SHPRH: variants seen among roughly 807,000 people sequenced by gnomAD.
SHPRH encodes the protein E3 ubiquitin-protein ligase SHPRH.
A neutral mutation model predicts 202.5 loss-of-function variants in SHPRH; 106 were observed. The ratio of observed to expected loss-of-function variants is 0.52; its 90% CI spans 0.45 to 0.62. SHPRH has a LOEUF of 0.62. Ranked by LOEUF, SHPRH falls within the 20% of genes least tolerant of loss-of-function variation. The probability of loss-of-function intolerance (pLI) is 0.00; values close to 1 mark genes in which losing one functional copy is unlikely to be tolerated. For missense variants in SHPRH, 1,710 were observed against 2,020.0 expected (o/e 0.85, Z 2.94); for synonymous variants, 729 against 686.0 (o/e 1.06, Z -0.98).
At chr6:145,880,834 G>C (rs1230895511), downstream of SHPRH, among the ~76,000 whole-genome samples, 1 of 151,980 alleles carries the variant, frequency 6.6e-6, no homozygotes, top group Non-Finnish European at 1.5e-5. Flanking sequence ...TGAAGAAATT[G>C]TATAATTTCT....
At position 145,943,818 on chromosome 6, in the gene SHPRH, T is replaced by A. The variant is rs1787066688; in HGVS notation, c.1579-16A>T. On this transcript the variant is annotated splice_polypyrimidine_tract_variant and intron_variant, in intron 8 of 29. Transcript: ENST00000275233. ...TCCCTACTGCCTATGAAAAAAATATTTAATTAATTGATTGCAACTAGTTGC... is the reference window on the plus strand; with the variant it reads ...TCCCTACTGCCTATGAAAAAAATATATAATTAATTGATTGCAACTAGTTGC... The A allele has an allele frequency of 6.5e-7, 1 of 1,540,628 alleles. No homozygotes were observed. The highest frequency in any genetic ancestry group is 1.4e-5 in the African/African-American group (1 of 71,864).
chr6:145,917,909 C>G (rs1385316320), intron 23 of SHPRH: 9 of 360,882 alleles, frequency 2.5e-5, no homozygotes, highest in African/African-American at 4.2e-5. Context: ...TTGTTCTCTA[C>G]TATCGAGTGC....
chr6:145,950,043 T>C (rs1047858943), intron 4 of SHPRH, among the ~76,000 whole-genome samples: 4 of 152,120 alleles, frequency 2.6e-5, no homozygotes, highest in Admixed American at 6.6e-5. Context: ...GATTTCCTTT[T>C]GGCAAGAAAA....
chr6:145,903,788 C>G (rs1199671977), intron 25 of SHPRH: 3 of 151,964 alleles, frequency 2.0e-5, no homozygotes, highest in Admixed American at 1.3e-4. Context: ...TGTATAAAAC[C>G]TAGCCAAATG....
chr6:145,901,451 A>G (rs1256514828), intron 25 of SHPRH, among the ~76,000 whole-genome samples: 3 of 152,160 alleles, frequency 2.0e-5, no homozygotes, highest in African/African-American at 7.2e-5. Context: ...AAAACAGGAA[A>G]AAGGGAATGG....
chr6:145,938,752 C>G (rs543053557), intron 11 of SHPRH, among the ~76,000 whole-genome samples: 11 of 152,208 alleles, frequency 7.2e-5, no homozygotes, highest in Admixed American at 2.0e-4. Context: ...TATGGACATA[C>G]AACTAATAAG....
intron 4 of SHPRH, 145 bp from the exon 5 acceptor site, chr6:145,948,495 A>G (rs758242247): frequency 5.6e-6 from 3 of 537,026 alleles, no homozygotes; most frequent in Non-Finnish European, 9.5e-6. Context: ...GAAAAGCCAC[A>G]TACTTAACAC....
intron 25 of SHPRH, among the ~76,000 whole-genome samples, chr6:145,902,002 C>T (rs149922489): frequency 6.6e-6 from 1 of 152,154 alleles, no homozygotes; most frequent in East Asian, 1.9e-4. Flanking sequence ...CTAGAGAACT[C>T]GGATGGGAGA....
At chr6:145,919,743 A>G (rs891206804) in intron 21 of SHPRH, among the ~76,000 whole-genome samples, 11 of 152,298 alleles carry the variant, frequency 7.2e-5, no homozygotes, top group Non-Finnish European at 1.5e-4. Flanking sequence ...AAATCTTTAT[A>G]AAGTCCAGTT....
intron 2 of SHPRH, among the ~76,000 whole-genome samples, chr6:145,867,678 AG>A (rs1413186804): frequency 8.3e-6 from 1 of 121,098 alleles, no homozygotes; most frequent in Admixed American, 8.8e-5. Context: ...AGAGAGGTGA[AG>A]GAAGATTTGA....
intron 25 of SHPRH, among the ~76,000 whole-genome samples, chr6:145,895,516 G>A (rs1781935518): frequency 6.7e-6 from 1 of 149,704 alleles, no homozygotes; most frequent in South Asian, 2.1e-4. Flanking sequence ...TTCATACAAA[G>A]CTAGACACTT....
intron 2 of SHPRH, among the ~76,000 whole-genome samples, chr6:145,865,405 C>A (rs1049342259): frequency 6.6e-6 from 1 of 152,186 alleles, no homozygotes; most frequent in Non-Finnish European, 1.5e-5. Context: ...AGAACCCAAC[C>A]ATGTGACATC....
In SHPRH at chr6:145,941,892, C is replaced by T; in HGVS notation, c.2239-18G>A. 6 of 1,609,486 alleles carry T rather than the reference C, an allele frequency of 3.7e-6. No individual in the cohort carries two copies. Among genetic ancestry groups the T allele is most frequent in the Non-Finnish European group, 5.1e-6 (6 of 1,177,428 alleles). On this transcript the variant is annotated intron_variant, in intron 9 of 29. Transcript: ENST00000275233. The stretch of plus-strand genomic sequence containing the variant: ...TGATATACCTAGGAAATAATCAATA[C>T]AGGCAGTTATTGCAAAAAGGCTCAC...
At chr6:145,870,397 G>T (rs1190325930) in intron 2 of SHPRH, among the ~76,000 whole-genome samples, 1 of 151,696 alleles carries the variant, frequency 6.6e-6, no homozygotes, top group Non-Finnish European at 1.5e-5. Context: ...GAGTAGCTGG[G>T]ACTACAGGCA....
intron 15 of SHPRH, 92 bp downstream of exon 15, chr6:145,927,097 T>C (rs551488611): frequency 2.6e-6 from 3 of 1,158,712 alleles, no homozygotes; most frequent in Admixed American, 2.0e-5. Context: ...ATTATGACTG[T>C]TTGTTACCAT....
intron 28 of SHPRH, 100 bp from the exon 29 acceptor site, chr6:145,888,200 G>T: frequency 1.3e-6 from 1 of 795,286 alleles, no homozygotes; most frequent in Non-Finnish European, 2.0e-6. Context: ...GTCAGTTGGT[G>T]CCCACTTGTG....
intron 10 of SHPRH, 90 bp downstream of exon 10, chr6:145,941,533 C>A (rs1285780382): frequency 3.2e-6 from 5 of 1,540,740 alleles, no homozygotes; most frequent in Non-Finnish European, 4.4e-6. Flanking sequence ...TACAGGTTAA[C>A]TATGCTTAAA....
downstream of SHPRH, among the ~76,000 whole-genome samples, chr6:145,880,371 G>A (rs1261995584): frequency 6.6e-6 from 1 of 152,132 alleles, no homozygotes; most frequent in Non-Finnish European, 1.5e-5. Context: ...GCTCATGCCT[G>A]TAATCTTAGC....
chr6:145,904,809 ATAAACT>A (rs1442573028), intron 25 of SHPRH: 8 of 152,140 alleles, frequency 5.3e-5, no homozygotes, highest in African/African-American at 1.7e-4. Context: ...AGTAAATTCT[ATAAACT>A]TAATTTTTTT....
Sources: gnomAD v4.1 joint callset for allele counts (sites outside exome capture counted in the v4.1 genomes callset) on GRCh38, gnomAD v4.1.1 for gene constraint, MANE v1.5 for transcripts, NCBI Gene and HGNC (gene_info 2026-07-23, HGNC 2026-07-21) for gene names.